XYLT1: variants seen among roughly 807,000 people sequenced by gnomAD.
XYLT1 encodes the protein beta-D-xylosyltransferase 1.
XYLT1 carries 36 observed loss-of-function variants against 91.3 expected under a neutral mutation model. The ratio of observed to expected loss-of-function variants is 0.39; its 90% CI spans 0.30 to 0.52. The LOEUF (loss-of-function observed/expected upper bound fraction) is 0.52, where lower values mean the gene tolerates loss of function less well. XYLT1 is among the 20% of genes least tolerant of loss of function. XYLT1 has a pLI of 0.68. For synonymous variants in XYLT1, 588 were observed against 532.0 expected, an observed-to-expected ratio of 1.11 and a Z score of -1.45; for missense variants, 1,242 against 1,284.5, an observed-to-expected ratio of 0.97 and a Z score of 0.51.
intron 2 of XYLT1, among the ~76,000 whole-genome samples, chr16:17,326,282 A>C (rs1360430600): frequency 6.6e-6 from 1 of 152,136 alleles, no homozygotes; most frequent in Non-Finnish European, 1.5e-5. Context: ...CAGAACTGAA[A>C]CTTTATACCA....
chr16:17,190,674 T>G (rs552584055), intron 5 of XYLT1, among the ~76,000 whole-genome samples: 74 of 152,282 alleles, frequency 4.9e-4, no homozygotes, highest in African/African-American at 1.5e-3. Flanking sequence ...TGTGCCACAT[T>G]TTCTTAATCC....
intron 2 of XYLT1, among the ~76,000 whole-genome samples, chr16:17,322,693 C>G (rs753780413): frequency 6.6e-5 from 10 of 152,266 alleles, no homozygotes; most frequent in South Asian, 4.1e-4. Flanking sequence ...GTCTAGGACA[C>G]CCTCCTAGCC....
At chr16:17,129,906 A>G (rs2030406179) in intron 9 of XYLT1, among the ~76,000 whole-genome samples, 1 of 152,170 alleles carries the variant, frequency 6.6e-6, no homozygotes, top group Non-Finnish European at 1.5e-5. Flanking sequence ...GTTTCCTTGT[A>G]CCCGGGAGGC....
chr16:17,108,847 CCAA>C lies in XYLT1; in HGVS notation c.2725_2727del (p.Leu909del), dbSNP rs1567274987. 6.2e-7 allele frequency: 1 copy of C among 1,613,158 alleles called. No homozygotes were observed. Among genetic ancestry groups the C allele is most frequent in the South Asian group, 1.1e-5 (1 of 91,032 alleles). On this transcript the variant is annotated inframe_deletion, in exon 12 of 12. Transcript: ENST00000261381. The stretch of plus-strand genomic sequence containing the variant: ...TCCATGGCAGTCCACATCCCGCCCA[CCAA>C]CGAGTCCAGCCATCCCTCCAGCGCT...
At chr16:17,393,227 C>T (rs2035842242) in intron 1 of XYLT1, among the ~76,000 whole-genome samples, 1 of 152,216 alleles carries the variant, frequency 6.6e-6, no homozygotes, top group Non-Finnish European at 1.5e-5. Context: ...GAAACCACAA[C>T]TGTAGCACAT....
At chr16:17,221,309 C>T (rs1390537573) in intron 3 of XYLT1, among the ~76,000 whole-genome samples, 4 of 152,138 alleles carry the variant, frequency 2.6e-5, no homozygotes, top group African/African-American at 9.7e-5. Flanking sequence ...TGACAAAAGC[C>T]AGCATTTTTT....
chr16:17,331,875 C>T (rs1427754171), intron 2 of XYLT1, among the ~76,000 whole-genome samples: 2 of 152,152 alleles, frequency 1.3e-5, no homozygotes, highest in East Asian at 1.9e-4. Flanking sequence ...TGTAAGTTTC[C>T]CTAACTACTT....
At chr16:17,121,962 G>GTATATA (rs762933494) in intron 10 of XYLT1, among the ~76,000 whole-genome samples, 11 of 150,316 alleles carry the variant, frequency 7.3e-5, no homozygotes, top group Admixed American at 6.6e-5. Context: ...ATTCCATGGG[G>GTATATA]TATATATATA....
intron 2 of XYLT1, chr16:17,355,244 A>G: frequency 6.5e-6 from 1 of 153,266 alleles, no homozygotes; most frequent in Non-Finnish European, 1.5e-5. Flanking sequence ...CTTTCCCATG[A>G]GGGTTTTGAA....
chr16:17,190,938 A>T (rs1277451953), intron 5 of XYLT1, among the ~76,000 whole-genome samples: 3 of 152,210 alleles, frequency 2.0e-5, no homozygotes, highest in African/African-American at 7.2e-5. Flanking sequence ...GCCTCAGTTT[A>T]TTCATCTGAA....
At chr16:17,316,309 G>C (rs760905927) in intron 2 of XYLT1, among the ~76,000 whole-genome samples, 1 of 152,182 alleles carries the variant, frequency 6.6e-6, no homozygotes, top group Non-Finnish European at 1.5e-5. Flanking sequence ...CAGTGGAGAT[G>C]GGGAGAAAAA....
At chr16:17,194,445 C>G (rs904227350) in intron 5 of XYLT1, among the ~76,000 whole-genome samples, 2 of 152,198 alleles carry the variant, frequency 1.3e-5, no homozygotes, top group African/African-American at 4.8e-5. Context: ...TGCGGGCCCC[C>G]AACCTAGGCT....
chr16:17,185,463 G>A (rs2141572897), intron 5 of XYLT1, among the ~76,000 whole-genome samples: 1 of 152,300 alleles, frequency 6.6e-6, no homozygotes, highest in East Asian at 1.9e-4. Context: ...ACGTCCCAAA[G>A]AACAAAAGTG....
intron 1 of XYLT1, among the ~76,000 whole-genome samples, chr16:17,395,971 A>G (rs1289466770): frequency 6.6e-6 from 1 of 152,176 alleles, no homozygotes; most frequent in East Asian, 1.9e-4. Flanking sequence ...GAAAGTTGTT[A>G]TGGGTGCTGT....
intron 2 of XYLT1, among the ~76,000 whole-genome samples, chr16:17,324,777 A>G (rs1031098910): frequency 1.3e-5 from 2 of 152,174 alleles, no homozygotes; most frequent in African/African-American, 4.8e-5. Context: ...AGGCTTTCAG[A>G]CACACATAAA....
chr16:17,462,344 G>A lies in XYLT1; in HGVS notation c.363+8090C>T, dbSNP rs142384186. Reference sequence around the variant, plus strand: ...CCCTTCCTCATCTGGCAGGGTGTCTGGGTTTGCAGTTCCTGACACTAATAA... The same window carrying A: ...CCCTTCCTCATCTGGCAGGGTGTCTAGGTTTGCAGTTCCTGACACTAATAA... On this transcript the variant is annotated intron_variant, in intron 1 of 11. Coordinates refer to ENST00000261381, the MANE Select transcript of XYLT1 (RefSeq NM_022166.4). Among the ~76,000 whole-genome samples the A allele has an allele frequency of 2.7e-3, 414 of 152,276 alleles. 4 individuals are homozygous for A. Among genetic ancestry groups the A allele is most frequent in the Middle Eastern group, 3.4e-3 (1 of 294 alleles).
intron 3 of XYLT1, among the ~76,000 whole-genome samples, chr16:17,249,357 TAA>T (rs2033498305): frequency 6.6e-6 from 1 of 152,130 alleles, no homozygotes; most frequent in Non-Finnish European, 1.5e-5. Flanking sequence ...CCACTGAGGC[TAA>T]AAGCAACCAC....
In XYLT1 at chr16:17,135,049, C is replaced by CATCATTT. The variant is rs1401750011; in HGVS notation, c.1765-321_1765-315dup. 2.1e-4 allele frequency among the ~76,000 whole-genome samples: 32 copies of CATCATTT among 152,254 alleles called. No homozygotes were observed. In the East Asian group the frequency reaches 5.4e-3, roughly 26 times the overall value. On this transcript the variant is annotated intron_variant, in intron 8 of 11. Transcript: ENST00000261381. ...GGTAATAGCTGGGATGGATCTCAGA[C>CATCATTT]ATCATTTAGGTACAGGTCACAGGCT...
At chr16:17,173,263 A>C (rs1332947886) in intron 5 of XYLT1, among the ~76,000 whole-genome samples, 3 of 152,240 alleles carry the variant, frequency 2.0e-5, no homozygotes, top group African/African-American at 4.8e-5. Flanking sequence ...TGTGCACGCC[A>C]CACTACCTCC....
Sources: allele counts gnomAD v4.1 joint callset (sites outside exome capture counted in the v4.1 genomes callset), GRCh38; gene constraint gnomAD v4.1.1; transcripts MANE v1.5; gene names NCBI Gene and HGNC (gene_info 2026-07-23, HGNC 2026-07-21).